Variants in IL36RN observed in about 807,000 individuals in gnomAD.
IL36RN encodes the protein interleukin-36 receptor antagonist protein.
Under a neutral mutation model 13.0 loss-of-function variants are expected in IL36RN, and 11 were observed. The observed-to-expected ratio is 0.85, with a 90% CI of 0.53 to 1.40. The LOEUF is 1.40. Among genes scored for constraint, IL36RN ranks in the 40% most tolerant of loss-of-function variants. The pLI is 0.00. For synonymous variants in IL36RN, 94 were observed against 84.1 expected (o/e 1.12, Z -0.64); for missense variants, 195 against 195.3 (o/e 1.00, Z 0.01).
intron 3 of IL36RN, 91 bp from the exon 4 acceptor site, chr2:113,062,033 G>A (rs1435379231): frequency 2.3e-5 from 35 of 1,543,944 alleles, no homozygotes; most frequent in African/African-American, 4.1e-5. Flanking sequence ...GGGGCAGGCC[G>A]TCTTACAGCA....
In IL36RN at chr2:113,062,562, G is replaced by C; in HGVS notation, c.353G>C (p.Gly118Ala). ...TSSFESAAYP[G>A]WFLCTVPEAD... is the part of the protein sequence containing the mutation. ...AGCTTCGAGTCGGCTGCCTACCCGG[G>C]CTGGTTCCTGTGCACGGTGCCTGAA... Residue 118 changes from glycine (G) to alanine (A), a missense_variant, in exon 5 of 5, where the codon GGC becomes GCC. Transcript: ENST00000393200. The C allele has an allele frequency of 6.2e-7, 1 of 1,613,948 alleles. No individual in the cohort carries two copies. The highest frequency in any genetic ancestry group is 1.1e-5 in the South Asian group (1 of 91,078).
chr2:113,062,406 C>T, intron 4 of IL36RN, 47 bp from the exon 5 acceptor site: 1 of 1,609,556 alleles, frequency 6.2e-7, no homozygotes, highest in South Asian at 1.1e-5. Context: ...AGCCCTCCCT[C>T]TGCCCCTGCT....
At chr2:113,059,749 C>T (rs1685603080) in intron 2 of IL36RN, among the ~76,000 whole-genome samples, 1 of 152,286 alleles carries the variant, frequency 6.6e-6, no homozygotes, top group Non-Finnish European at 1.5e-5. Flanking sequence ...GAACGGGGGC[C>T]AGGATCCCTG....
chr2:113,062,706 C>T lies in IL36RN; in HGVS notation c.*29C>T, dbSNP rs766476557. On this transcript the variant is annotated 3_prime_UTR_variant, in exon 5 of 5. Transcript: ENST00000393200. ...AACGTGCCCCCCAGAACTCCCTGGG[C>T]AGAGCCAGCTCGGGTGAGGGGTGAG... The T allele has an allele frequency of 3.4e-5, 54 of 1,589,208 alleles. No individual in the cohort carries two copies. The highest frequency in any genetic ancestry group is 4.1e-5 in the Non-Finnish European group (48 of 1,166,356).
At chr2:113,060,538 A>G (rs1412957653) in intron 2 of IL36RN, among the ~76,000 whole-genome samples, 1 of 152,188 alleles carries the variant, frequency 6.6e-6, no homozygotes, top group Non-Finnish European at 1.5e-5. Flanking sequence ...GCAGCATTGG[A>G]GGCAGAGATG....
At position 113,062,487 on chromosome 2, in the gene IL36RN, A is replaced by G. The variant is rs998871655; in HGVS notation, c.278A>G (p.Lys93Arg). The G allele has an allele frequency of 6.2e-7, 1 of 1,614,094 alleles. No individual in the cohort carries two copies. The stretch of plus-strand genomic sequence containing the variant: ...ATCATGGAGCTCTATCTTGGTGCCA[A>G]GGAATCCAAGAGCTTCACCTTCTAC... The part of the protein sequence containing the change: ...VNIMELYLGA[K>R]ESKSFTFYRR... Residue 93 changes from lysine to arginine, a missense_variant, in exon 5 of 5, where the codon AAG becomes AGG. By Grantham distance (26) the Lys-to-Arg change is conservative. Coordinates refer to ENST00000393200, the MANE Select transcript of IL36RN (RefSeq NM_012275.3).
Position 113,063,391 on chromosome 2 carries a change from A to G in IL36RN, c.*714A>G, listed in dbSNP as rs1441411082. 2 of 152,774 alleles carry G rather than the reference A, an allele frequency of 1.3e-5. No homozygotes were observed. Among genetic ancestry groups the G allele is most frequent in the South Asian group, 2.1e-4 (1 of 4,864 alleles). The allele number at this position is 152,774 out of a possible 1,614,324, so 9.5% of individuals were successfully genotyped here. On this transcript the variant is annotated 3_prime_UTR_variant, in exon 5 of 5. Transcript: ENST00000393200. ...TGACATATTGAGAAGACCTACTTAC[A>G]AAGTGGCATATATTGCAATTTATTT...
chr2:113,060,266 C>T (rs1685614883), intron 2 of IL36RN, among the ~76,000 whole-genome samples: 1 of 152,192 alleles, frequency 6.6e-6, no homozygotes, highest in Non-Finnish European at 1.5e-5. Context: ...GATACATCTT[C>T]CACCTCATAG....
At chr2:113,060,441 C>G (rs1188883180) in intron 2 of IL36RN, among the ~76,000 whole-genome samples, 1 of 152,154 alleles carries the variant, frequency 6.6e-6, no homozygotes, top group African/African-American at 2.4e-5. Flanking sequence ...GTGGAAGAGG[C>G]CTGGATGTTA....
rs1685689553 is a variant in IL36RN, at chr2:113,063,639, T to C, written c.*962T>C. On this transcript the variant is annotated 3_prime_UTR_variant, in exon 5 of 5. Transcript: ENST00000393200. ...TAAGCAGAGTAGACATCATCTCTGA[T>C]TGTCCTCAGCCTCCACTTCCCCAGA... 6.6e-6 allele frequency: 1 copy of C among 152,208 alleles called. No homozygotes were observed. Among genetic ancestry groups the C allele is most frequent in the Non-Finnish European group, 1.5e-5 (1 of 68,036 alleles). The allele number at this position is 152,208 out of a possible 1,614,324, so 9.4% of individuals were successfully genotyped here.
Position 113,062,810 on chromosome 2 carries a change from T to A in IL36RN, c.*133T>A. ...CTGACTTAGTGGGCACCTGACCACTTTGTCTTCTGGTTCCCAGTTTGGATA... is the reference window on the plus strand; with the variant it reads ...CTGACTTAGTGGGCACCTGACCACTATGTCTTCTGGTTCCCAGTTTGGATA... On this transcript the variant is annotated 3_prime_UTR_variant, in exon 5 of 5. Transcript: ENST00000393200. 1 of 795,878 alleles carries A rather than the reference T, an allele frequency of 1.3e-6. No individual in the cohort carries two copies. The highest frequency in any genetic ancestry group is 2.1e-6 in the Non-Finnish European group (1 of 474,788). 49.3% of individuals were successfully genotyped at this position (795,878 alleles called of 1,614,324 possible).
At chr2:113,058,712 G>C (rs1171933305), upstream of IL36RN, 2 of 152,414 alleles carry the variant, frequency 1.3e-5, no homozygotes, top group Non-Finnish European at 2.9e-5. Flanking sequence ...GAAGGAGGGA[G>C]AAGGGAAGGA....
At chr2:113,060,576 C>T (rs933911329) in intron 2 of IL36RN, among the ~76,000 whole-genome samples, 4 of 152,148 alleles carry the variant, frequency 2.6e-5, no homozygotes, top group Non-Finnish European at 4.4e-5. Flanking sequence ...TCTGACTCAC[C>T]GTGCAGCTTC....
In IL36RN at chr2:113,062,754, A is replaced by G. The variant is rs995005559; in HGVS notation, c.*77A>G. The G allele has an allele frequency of 2.0e-5, 25 of 1,278,534 alleles. No individual in the cohort carries two copies. Among genetic ancestry groups the G allele is most frequent in the Middle Eastern group, 2.0e-4 (1 of 4,982 alleles). 79.2% of individuals were successfully genotyped at this position (1,278,534 alleles called of 1,614,324 possible). A position where few individuals can be genotyped will look rare whatever the true frequency, so the allele number is the denominator to read the frequency against. On this transcript the variant is annotated 3_prime_UTR_variant, in exon 5 of 5. Transcript: ENST00000393200. ...GAGTGGAGGAGACCCATGGCGGACAATCACTCTCTCTGCTCTCAGGACCCC... is the reference window on the plus strand; with the variant it reads ...GAGTGGAGGAGACCCATGGCGGACAGTCACTCTCTCTGCTCTCAGGACCCC...
chr2:113,062,660 T>C lies in IL36RN; in HGVS notation c.451T>C (p.Phe151Leu), dbSNP rs545202535. 1.2e-6 allele frequency: 2 copies of C among 1,611,654 alleles called. No homozygotes were observed. Among genetic ancestry groups the C allele is most frequent in the Middle Eastern group, 1.6e-4 (1 of 6,062 alleles). ...GAATGCCCCCATCACAGACTTCTAC[T>C]TCCAGCAGTGTGACTAGGGCAACGT... The part of the protein sequence containing the change: ...GWNAPITDFY[F>L]QQCD Residue 151 changes from phenylalanine (F) to leucine (L), a missense_variant, in exon 5 of 5, where the codon TTC (phenylalanine) becomes CTC (leucine). Coordinates refer to ENST00000393200, the MANE Select transcript of IL36RN (RefSeq NM_012275.3).
chr2:113,062,088 G>T, intron 3 of IL36RN, 36 bp from the exon 4 acceptor site: 2 of 1,609,922 alleles, frequency 1.2e-6, no homozygotes, highest in South Asian at 1.1e-5. Flanking sequence ...GGAGGGAAAG[G>T]CATCCAGGGC....
intron 2 of IL36RN, 75 bp downstream of exon 2, chr2:113,059,542 T>C: frequency 6.5e-6 from 10 of 1,546,414 alleles, no homozygotes; most frequent in Non-Finnish European, 8.9e-6. Flanking sequence ...TGTCCAGCTC[T>C]GAGCAGGAGG....
At chr2:113,061,170 T>G (rs1558843083) in intron 3 of IL36RN, among the ~76,000 whole-genome samples, 1 of 152,242 alleles carries the variant, frequency 6.6e-6, no homozygotes, top group African/African-American at 2.4e-5. Flanking sequence ...GGGAATGTTT[T>G]CCAAGAGGCT....
At chr2:113,061,310 C>T (rs1296773876) in intron 3 of IL36RN, among the ~76,000 whole-genome samples, 2 of 152,184 alleles carry the variant, frequency 1.3e-5, no homozygotes, top group Non-Finnish European at 2.9e-5. Context: ...GTTTCTGCCT[C>T]TCCACCCTGG....
Sources: gnomAD v4.1 joint callset for allele counts (sites outside exome capture counted in the v4.1 genomes callset) on GRCh38, gnomAD v4.1.1 for gene constraint, MANE v1.5 for transcripts, NCBI Gene and HGNC (gene_info 2026-07-23, HGNC 2026-07-21) for gene names.